Variants in SRP54 observed in about 807,000 individuals in gnomAD.
SRP54 encodes signal recognition particle subunit SRP54.
A neutral mutation model predicts 64.8 loss-of-function variants in SRP54; 10 were observed. That is an observed-to-expected ratio of 0.15 (90% CI 0.10 to 0.26). The LOEUF is 0.26. SRP54 is among the 10% of genes least tolerant of loss of function. The pLI is 1.00. For synonymous variants in SRP54, 193 were observed against 185.6 expected, an observed-to-expected ratio of 1.04 and a Z score of -0.32; for missense variants, 325 against 613.7, an observed-to-expected ratio of 0.53 and a Z score of 4.97.
intron 10 of SRP54, 88 bp from the exon 11 acceptor site, chr14:35,014,656 C>A: frequency 1.0e-6 from 1 of 995,974 alleles, no homozygotes; most frequent in African/African-American, 1.6e-5. Flanking sequence ...TATAACCTCA[C>A]AAGGTTATTA....
At chr14:35,026,481 A>T (rs367818122) in intron 14 of SRP54, among the ~76,000 whole-genome samples, 1 of 151,830 alleles carries the variant, frequency 6.6e-6, no homozygotes, top group Admixed American at 6.6e-5. Context: ...TAATCAGCCT[A>T]CCTTCGCCAC....
intron 8 of SRP54, 104 bp downstream of exon 8, chr14:35,011,763 C>CAA: frequency 1.9e-6 from 2 of 1,027,068 alleles, no homozygotes; most frequent in Non-Finnish European, 2.6e-6. Flanking sequence ...GCCTGTGAGG[C>CAA]AGATCCCCAG....
intron 1 of SRP54, among the ~76,000 whole-genome samples, chr14:34,988,812 G>A (rs1027364420): frequency 6.6e-6 from 1 of 151,594 alleles, no homozygotes; most frequent in African/African-American, 2.4e-5. Context: ...ATCTGGGGGG[G>A]ATTGATTCCA....
intron 8 of SRP54, 125 bp downstream of exon 8, chr14:35,011,784 T>C (rs974714320): frequency 3.5e-6 from 3 of 848,892 alleles, no homozygotes; most frequent in Non-Finnish European, 5.0e-6. Flanking sequence ...TAATTTATTT[T>C]TGTTTTGGGC....
chr14:35,004,043 G>T (rs1315058908), intron 4 of SRP54, among the ~76,000 whole-genome samples: 1 of 151,788 alleles, frequency 6.6e-6, no homozygotes, highest in Non-Finnish European at 1.5e-5. Flanking sequence ...TCAGGAGTTT[G>T]AGACCAGCCT....
intron 1 of SRP54, chr14:34,993,441 T>C (rs1029204063): frequency 3.9e-5 from 6 of 152,178 alleles, no homozygotes; most frequent in Admixed American, 1.3e-4. Context: ...AAAAATCTTA[T>C]GGTAAGCAAT....
chr14:35,016,527 G>A (rs1484496283), intron 11 of SRP54, among the ~76,000 whole-genome samples: 2 of 152,134 alleles, frequency 1.3e-5, no homozygotes. Flanking sequence ...TGGCCAAGAT[G>A]GCTAACTGCT....
At chr14:34,988,578 A>AATATATATATATAT (rs1555352766) in intron 1 of SRP54, among the ~76,000 whole-genome samples, 50 of 47,092 alleles carry the variant, frequency 1.1e-3, no homozygotes, top group African/African-American at 3.2e-3. Context: ...AAAAAAAAAA[A>AATATATATATATAT]ATATATATAT....
At chr14:35,015,740 C>T (rs535198363) in intron 11 of SRP54, among the ~76,000 whole-genome samples, 1 of 152,246 alleles carries the variant, frequency 6.6e-6, no homozygotes, top group African/African-American at 2.4e-5. Flanking sequence ...CTTTAATTAC[C>T]GTAGCAACTA....
At chr14:35,011,404 G>A (rs1425482962) in intron 7 of SRP54, 105 bp from the exon 8 acceptor site, 1 of 791,382 alleles carries the variant, frequency 1.3e-6, no homozygotes, top group Non-Finnish European at 1.8e-6. Flanking sequence ...TGAAATTGGG[G>A]TCATTTTGGC....
At position 35,023,132 on chromosome 14, in the gene SRP54, G is replaced by A. The variant is rs1314394358; in HGVS notation, c.1327+52G>A. 2.8e-6 allele frequency: 4 copies of A among 1,427,220 alleles called. No homozygotes were observed. In the African/African-American group the frequency reaches 4.3e-5, roughly 15 times the overall value. 88.4% of individuals were successfully genotyped at this position (1,427,220 alleles called of 1,614,324 possible). The stretch of plus-strand genomic sequence containing the variant: ...TAACAGACGGAAAAGAAAGGAAGTT[G>A]AGAAAAAAGAGTGCTGCCAGTATTG... On this transcript the variant is annotated intron_variant, in intron 14 of 15. Transcript: ENST00000216774.
chr14:35,013,132 A>G (rs755293387), intron 8 of SRP54, among the ~76,000 whole-genome samples: 1 of 151,786 alleles, frequency 6.6e-6, no homozygotes, highest in Non-Finnish European at 1.5e-5. Flanking sequence ...TAATTTTTGT[A>G]TTTTTAGTAG....
chr14:35,007,829 T>G (rs1459100318), intron 5 of SRP54, among the ~76,000 whole-genome samples: 2 of 150,424 alleles, frequency 1.3e-5, no homozygotes, highest in African/African-American at 4.9e-5. Context: ...CTTTATAATA[T>G]TGTTGCTTTA....
intron 4 of SRP54, among the ~76,000 whole-genome samples, chr14:35,002,467 C>T (rs921668684): frequency 1.3e-5 from 2 of 150,344 alleles, no homozygotes; most frequent in Non-Finnish European, 1.5e-5. Context: ...GACTCTCCCT[C>T]TGTCACTCAG....
chr14:35,012,128 A>C (rs2044365556), intron 8 of SRP54, among the ~76,000 whole-genome samples: 1 of 151,812 alleles, frequency 6.6e-6, no homozygotes, highest in Non-Finnish European at 1.5e-5. Flanking sequence ...AGGCAGGAGA[A>C]TAGCTTGAAC....
intron 1 of SRP54, among the ~76,000 whole-genome samples, chr14:34,983,646 A>G (rs1396695908): frequency 1.3e-5 from 2 of 152,352 alleles, no homozygotes; most frequent in Admixed American, 1.3e-4. Context: ...ATGATTTAAG[A>G]TAGACTGATA....
chr14:35,023,688 G>A (rs147213747), intron 14 of SRP54, among the ~76,000 whole-genome samples: 105 of 151,824 alleles, frequency 6.9e-4, no homozygotes, highest in Middle Eastern at 6.8e-3. Context: ...GGAGGCTGAG[G>A]CAGGAGAATC....
At chr14:34,983,414 T>C (rs762282951) in intron 1 of SRP54, among the ~76,000 whole-genome samples, 199 bp downstream of exon 1, 4 of 152,186 alleles carry the variant, frequency 2.6e-5, no homozygotes, top group Non-Finnish European at 4.4e-5. Flanking sequence ...CCCTTTTGAG[T>C]TGTCTTCCGA....
chr14:35,003,626 T>C (rs112653246), intron 4 of SRP54, among the ~76,000 whole-genome samples: 184 of 149,806 alleles, frequency 1.2e-3, no homozygotes, highest in African/African-American at 4.4e-3. Context: ...TGGAGTGCAG[T>C]GGTGTGATCA....
Sources: allele counts gnomAD v4.1 joint callset (sites outside exome capture counted in the v4.1 genomes callset), GRCh38; gene constraint gnomAD v4.1.1; transcripts MANE v1.5; gene names NCBI Gene and HGNC (gene_info 2026-07-23, HGNC 2026-07-21).